TAFA1: variants seen among roughly 807,000 people sequenced by gnomAD.
TAFA1 encodes chemokine-like protein TAFA-1.
A neutral mutation model predicts 18.5 loss-of-function variants in TAFA1; 4 were observed. The ratio of observed to expected loss-of-function variants is 0.22; its 90% confidence interval spans 0.11 to 0.49. The LOEUF (loss-of-function observed/expected upper bound fraction) is 0.49. TAFA1 is among the 20% of genes least tolerant of loss of function. TAFA1 has a pLI of 0.98. For missense variants in TAFA1, 147 were observed against 169.0 expected (o/e 0.87, Z 0.72); for synonymous variants, 56 against 55.2 (o/e 1.01, Z -0.06).
At chr3:68,377,622 C>T (rs556878823) in intron 2 of TAFA1, among the ~76,000 whole-genome samples, 6 of 152,236 alleles carry the variant, frequency 3.9e-5, no homozygotes, top group South Asian at 2.1e-4. Context: ...GCATAAGTAA[C>T]GAGGATTTAA....
intron 2 of TAFA1, among the ~76,000 whole-genome samples, chr3:68,057,172 G>A (rs2064547129): frequency 6.6e-6 from 1 of 152,166 alleles, no homozygotes; most frequent in African/African-American, 2.4e-5. Flanking sequence ...TGAATTGGGA[G>A]CTAGGAATAG....
intron 2 of TAFA1, among the ~76,000 whole-genome samples, chr3:68,283,054 A>C (rs1184916545): frequency 7.2e-5 from 11 of 152,202 alleles, no homozygotes; most frequent in Non-Finnish European, 2.9e-5. Flanking sequence ...TGATTTTGGA[A>C]GGTAACCTTC....
At chr3:68,351,452 A>G (rs1479151828) in intron 2 of TAFA1, among the ~76,000 whole-genome samples, 4 of 152,060 alleles carry the variant, frequency 2.6e-5, no homozygotes, top group African/African-American at 9.7e-5. Context: ...TTCAACCCCC[A>G]TAGGTTTGTA....
At position 68,338,532 on chromosome 3, in the gene TAFA1, T is replaced by A. The variant is rs116556020; in HGVS notation, c.119-78748T>A. ...ATATTCTGTGTTGAACCCTTTATAA[T>A]GAAGCATTTTGTGTTAAGGATTCTC... On this transcript the variant is annotated intron_variant, in intron 2 of 4. Coordinates refer to ENST00000478136, the MANE Select transcript of TAFA1 (RefSeq NM_213609.4). Among the ~76,000 whole-genome samples the A allele has an allele frequency of 6.7e-3, 1,020 of 152,202 alleles. 10 individuals are homozygous for A. Among genetic ancestry groups the A allele is most frequent in the Middle Eastern group, 0.014 (4 of 294 alleles).
intron 3 of TAFA1, among the ~76,000 whole-genome samples, chr3:68,473,353 ATTATGTT>A (rs1015107555): frequency 3.3e-5 from 5 of 152,326 alleles, no homozygotes; most frequent in African/African-American, 9.6e-5. Context: ...TACAGTGATT[ATTATGTT>A]GTGAATTGAT....
chr3:68,396,112 A>G (rs1358415874), intron 2 of TAFA1, among the ~76,000 whole-genome samples: 1 of 151,956 alleles, frequency 6.6e-6, no homozygotes, highest in Non-Finnish European at 1.5e-5. Context: ...TTTTGTGAGG[A>G]CTTTTGATTT....
At chr3:68,268,391 C>T (rs953741791) in intron 2 of TAFA1, among the ~76,000 whole-genome samples, 1 of 152,042 alleles carries the variant, frequency 6.6e-6, no homozygotes, top group Non-Finnish European at 1.5e-5. Flanking sequence ...GTGTGGCCCC[C>T]GTGACTCAAC....
At chr3:68,274,524 C>G (rs1443754906) in intron 2 of TAFA1, among the ~76,000 whole-genome samples, 2 of 152,180 alleles carry the variant, frequency 1.3e-5, no homozygotes, top group Non-Finnish European at 2.9e-5. Flanking sequence ...CGTTCTGCAG[C>G]TAATATCCTC....
At chr3:68,408,704 A>G (rs749258091) in intron 2 of TAFA1, among the ~76,000 whole-genome samples, 29 of 152,070 alleles carry the variant, frequency 1.9e-4, no homozygotes, top group Non-Finnish European at 4.0e-4. Flanking sequence ...TATTCCAGGC[A>G]CAAGAGATAA....
chr3:68,290,016 A>G (rs2068080049), intron 2 of TAFA1, among the ~76,000 whole-genome samples: 1 of 152,232 alleles, frequency 6.6e-6, no homozygotes. Context: ...TATCCATTAT[A>G]CAAATATAAC....
At position 68,332,975 on chromosome 3, in the gene TAFA1, T is replaced by C. The variant is rs113392633; in HGVS notation, c.119-84305T>C. Among the ~76,000 whole-genome samples, 11 of 152,296 alleles carry C rather than the reference T, an allele frequency of 7.2e-5. 1 individual carries two copies. The highest frequency in any genetic ancestry group is 2.6e-4 in the African/African-American group (11 of 41,576). Reference sequence around the variant, plus strand: ...AAATAACATTTCACACCAATCAAAATAGCTATTCCTAAAAAGTCAAAAAAT... The same window carrying C: ...AAATAACATTTCACACCAATCAAAACAGCTATTCCTAAAAAGTCAAAAAAT... On this transcript the variant is annotated intron_variant, in intron 2 of 4. Transcript: ENST00000478136.
the TAFA1 span, among the ~76,000 whole-genome samples, chr3:67,994,170 T>C: frequency 6.6e-6 from 1 of 152,136 alleles, no homozygotes; most frequent in Non-Finnish European, 1.5e-5. Context: ...CCAAGGAAAT[T>C]TACAACATTT....
intron 3 of TAFA1, among the ~76,000 whole-genome samples, chr3:68,464,942 C>T (rs200876968): frequency 1.3e-5 from 2 of 152,222 alleles, no homozygotes; most frequent in African/African-American, 2.4e-5. Flanking sequence ...CCTTAATCTA[C>T]AGAATTCTGA....
At chr3:68,501,286 G>A (rs985617297) in intron 3 of TAFA1, among the ~76,000 whole-genome samples, 1 of 151,356 alleles carries the variant, frequency 6.6e-6, no homozygotes, top group African/African-American at 2.4e-5. Context: ...TTGAATTACT[G>A]TATAAAATGA....
chr3:68,111,981 G>A (rs1048470711), intron 2 of TAFA1, among the ~76,000 whole-genome samples: 5 of 152,164 alleles, frequency 3.3e-5, no homozygotes, highest in Non-Finnish European at 7.3e-5. Flanking sequence ...AACACTGACT[G>A]TTGGGTAATC....
chr3:68,444,055 A>G (rs2071432967), intron 3 of TAFA1, among the ~76,000 whole-genome samples: 1 of 152,106 alleles, frequency 6.6e-6, no homozygotes, highest in Non-Finnish European at 1.5e-5. Context: ...CCTTTCCTCC[A>G]TGGCCCTGTC....
At chr3:68,343,847 T>C (rs2069123647) in intron 2 of TAFA1, among the ~76,000 whole-genome samples, 1 of 152,194 alleles carries the variant, frequency 6.6e-6, no homozygotes, top group Non-Finnish European at 1.5e-5. Flanking sequence ...GCAGCAATAT[T>C]ATTATCAATT....
rs368008583 is a variant in TAFA1 at position 68,538,711 on chromosome 3, T to C, written c.260-45T>C. 3.1e-6 allele frequency: 5 copies of C among 1,607,802 alleles called. No homozygotes were observed. The African/African-American group carries it at 6.7e-5, about 21-fold the overall frequency. On this transcript the variant is annotated intron_variant, in intron 3 of 4. Transcript: ENST00000478136. ...AGGGACACAACGTCAGTGTTCAGGT[T>C]GTTTGGATGAATTGCAAACACAGTT...
rs143247601 is a variant in TAFA1 at position 68,374,070 on chromosome 3, A to G, written c.119-43210A>G. Among the ~76,000 whole-genome samples the G allele has an allele frequency of 1.4e-3, 214 of 152,232 alleles. 2 individuals are homozygous for G. Among genetic ancestry groups the G allele is most frequent in the African/African-American group, 4.9e-3 (203 of 41,546 alleles). Reference sequence around the variant, plus strand: ...TCTGAGACTCAGAAATAGACCAAAGATGGTGTCACCCTCCTCTTTGCATCT... The same window carrying G: ...TCTGAGACTCAGAAATAGACCAAAGGTGGTGTCACCCTCCTCTTTGCATCT... On this transcript the variant is annotated intron_variant, in intron 2 of 4. Transcript: ENST00000478136.
Sources: gnomAD v4.1 joint callset for allele counts (sites outside exome capture counted in the v4.1 genomes callset) on GRCh38, gnomAD v4.1.1 for gene constraint, MANE v1.5 for transcripts, NCBI Gene and HGNC (gene_info 2026-07-23, HGNC 2026-07-21) for gene names.